Variants in SAFB observed in about 807,000 individuals in gnomAD.
SAFB encodes the protein scaffold attachment factor B1.
In SAFB, 15 loss-of-function variants were observed where a neutral mutation model predicts 101.6. The ratio of observed to expected loss-of-function variants is 0.15; its 90% CI spans 0.10 to 0.23. The LOEUF (loss-of-function observed/expected upper bound fraction) is 0.23, where lower values mean the gene tolerates loss of function less well. Among genes scored for constraint, SAFB ranks in the 10% least tolerant of loss-of-function variants. SAFB has a pLI of 1.00. For missense variants in SAFB, 930 were observed against 1,104.1 expected (o/e 0.84, Z 2.23); for synonymous variants, 449 against 407.5 (o/e 1.10, Z -1.23).
chr19:5,645,415 T>G lies in SAFB; in HGVS notation c.609+16T>G. ...TATATTACAGGTAAACTGTTGTATG[T>G]CTCAGTACTTTTAGAATGAAAGGTC... On this transcript the variant is annotated intron_variant, in intron 5 of 20. Coordinates refer to ENST00000588852, the MANE Select transcript of SAFB (RefSeq NM_001201338.2). 8.2e-7 allele frequency: 1 copy of G among 1,218,238 alleles called. No homozygotes were observed. The highest frequency in any genetic ancestry group is 1.2e-6 in the Non-Finnish European group (1 of 824,074). 75.5% of individuals were successfully genotyped at this position (1,218,238 alleles called of 1,614,324 possible). A position where few individuals can be genotyped will look rare whatever the true frequency, so the allele number is the denominator to read the frequency against.
intron 15 of SAFB, 137 bp downstream of exon 15, chr19:5,661,945 C>T (rs950001492): frequency 2.0e-5 from 14 of 687,968 alleles, no homozygotes; most frequent in Non-Finnish European, 3.3e-5. Flanking sequence ...AGTGCAGTGA[C>T]CCGATCTTGG....
intron 8 of SAFB, among the ~76,000 whole-genome samples, chr19:5,650,264 A>C (rs933618120): frequency 6.6e-6 from 1 of 152,306 alleles, no homozygotes; most frequent in East Asian, 1.9e-4. Flanking sequence ...TACCCTACCA[A>C]ATTCCTTCTT....
intron 5 of SAFB, among the ~76,000 whole-genome samples, chr19:5,647,687 A>T (rs183166173): frequency 6.6e-6 from 1 of 152,314 alleles, no homozygotes; most frequent in Admixed American, 6.5e-5. Flanking sequence ...ATTCCTCTAG[A>T]TGCTAACAGT....
intron 14 of SAFB, among the ~76,000 whole-genome samples, chr19:5,659,518 A>T (rs372563002): frequency 2.1e-4 from 32 of 151,688 alleles, no homozygotes; most frequent in African/African-American, 7.7e-4. Context: ...AGTAACTGGG[A>T]CTACAGGCGC....
intron 5 of SAFB, among the ~76,000 whole-genome samples, chr19:5,646,606 A>G (rs1027527379): frequency 2.0e-5 from 3 of 152,232 alleles, no homozygotes; most frequent in Admixed American, 6.5e-5. Flanking sequence ...AATTCCCAGC[A>G]TGGGGTAGGG....
intron 15 of SAFB, 80 bp from the exon 16 acceptor site, chr19:5,663,942 C>A: frequency 6.8e-7 from 1 of 1,477,834 alleles, no homozygotes. Flanking sequence ...CTGTGAAGTG[C>A]TAGGGGCCAG....
Position 5,649,209 on chromosome 19 carries a change from AGAC to A in SAFB, c.859_861del (p.Asp287del). The A allele has an allele frequency of 2.8e-6, 1 of 357,514 alleles. No homozygotes were observed. The highest frequency in any genetic ancestry group is 4.7e-6 in the Non-Finnish European group (1 of 214,150). The allele number at this position is 357,514 out of a possible 1,614,324, so 22.1% of individuals were successfully genotyped here. ...CAGCACACGCTCAGTCGAGCAAGGC[AGAC>A]AGCCTGTTAGCGGTAGTGAAAAGGG... On this transcript the variant is annotated inframe_deletion, in exon 7 of 21. Transcript: ENST00000588852.
chr19:5,661,363 G>A (rs182899985), intron 14 of SAFB, 155 bp from the exon 15 acceptor site: 5 of 1,375,718 alleles, frequency 3.6e-6, no homozygotes, highest in East Asian at 2.5e-5. Context: ...CTGTGGGCCC[G>A]AGAAGCCTTC....
intron 4 of SAFB, among the ~76,000 whole-genome samples, chr19:5,642,288 T>C (rs936295374): frequency 6.6e-6 from 1 of 152,176 alleles, no homozygotes; most frequent in Non-Finnish European, 1.5e-5. Context: ...TGTTTTCCTG[T>C]TAAGAAGCAA....
chr19:5,667,203 C>G lies in SAFB; in HGVS notation c.2453+39C>G, dbSNP rs753177957. 6 of 1,298,636 alleles carry G rather than the reference C, an allele frequency of 4.6e-6. No homozygotes were observed. Among genetic ancestry groups the G allele is most frequent in the Non-Finnish European group, 6.4e-6 (6 of 934,474 alleles). 80.4% of individuals were successfully genotyped at this position (1,298,636 alleles called of 1,614,324 possible). ...ACCCGACAGTACCTGACCCCCCCCCCGCCCACAAGGGGGCCCGCAAGTCGC... is the reference window on the plus strand; with the variant it reads ...ACCCGACAGTACCTGACCCCCCCCCGGCCCACAAGGGGGCCCGCAAGTCGC... On this transcript the variant is annotated intron_variant, in intron 18 of 20. Transcript: ENST00000588852. The surrounding 1 kb of genome is among the most constrained non-coding windows in gnomAD (Gnocchi z 4.0).
In SAFB at chr19:5,623,148, G is replaced by A; in HGVS notation, c.-58G>A. 4 of 1,514,442 alleles carry A rather than the reference G, an allele frequency of 2.6e-6. No individual in the cohort carries two copies. The highest frequency in any genetic ancestry group is 1.2e-5 in the South Asian group (1 of 83,308). The allele number at this position is 1,514,442 out of a possible 1,614,324, so 93.8% of individuals were successfully genotyped here. ...CAGGCGGCGCCATTTTGTGCTAGGA[G>A]CCTGATAAAACCGGCCCGGTTCTGT... On this transcript the variant is annotated 5_prime_UTR_variant, in exon 1 of 21. Coordinates refer to ENST00000588852, the MANE Select transcript of SAFB (RefSeq NM_001201338.2).
chr19:5,630,128 A>G (rs1159207276), intron 2 of SAFB, among the ~76,000 whole-genome samples: 3 of 152,140 alleles, frequency 2.0e-5, no homozygotes, highest in African/African-American at 7.2e-5. Flanking sequence ...TCAACATCAA[A>G]CTTACCTTGT....
intron 9 of SAFB, 30 bp from the exon 10 acceptor site, chr19:5,653,085 C>T (rs1014751219): frequency 2.5e-6 from 4 of 1,612,114 alleles, no homozygotes; most frequent in Non-Finnish European, 3.4e-6. Context: ...GGCTTCATGT[C>T]TGAGTCATAT....
chr19:5,653,927 G>A (rs2053996083), intron 11 of SAFB, 134 bp from the exon 12 acceptor site: 2 of 703,036 alleles, frequency 2.8e-6, no homozygotes, highest in Non-Finnish European at 4.8e-6. Context: ...TTTTAGTAGA[G>A]ATGGGGTTTC....
intron 12 of SAFB, 47 bp downstream of exon 12, chr19:5,654,247 A>G (rs755715155): frequency 4.3e-6 from 7 of 1,609,888 alleles, no homozygotes; most frequent in Non-Finnish European, 5.1e-6. Context: ...TTCTGTGCCT[A>G]GTGGAGTTTG....
chr19:5,657,486 CTTG>C (rs1320256558), intron 14 of SAFB, 139 bp downstream of exon 14: 1 of 598,584 alleles, frequency 1.7e-6, no homozygotes, highest in African/African-American at 1.9e-5. Flanking sequence ...AGTTCATAGA[CTTG>C]TTATGTTTTA....
chr19:5,645,258 A>G, intron 4 of SAFB, 79 bp from the exon 5 acceptor site: 1 of 675,122 alleles, frequency 1.5e-6, no homozygotes, highest in Admixed American at 2.6e-5. Flanking sequence ...ATAGCTGTTC[A>G]CTTTTCATTG....
At chr19:5,641,273 T>C (rs2053707141) in intron 2 of SAFB, among the ~76,000 whole-genome samples, 1 of 152,178 alleles carries the variant, frequency 6.6e-6, no homozygotes, top group African/African-American at 2.4e-5. Flanking sequence ...TTGCAACAAA[T>C]AATTTTTCCC....
At chr19:5,652,924 G>C (rs764570164) in intron 9 of SAFB, among the ~76,000 whole-genome samples, 191 bp from the exon 10 acceptor site, 2 of 152,182 alleles carry the variant, frequency 1.3e-5, no homozygotes, top group Non-Finnish European at 2.9e-5. Context: ...TGAGGAACTA[G>C]ATGAGCGATT....
Sources: allele counts gnomAD v4.1 joint callset (sites outside exome capture counted in the v4.1 genomes callset), GRCh38; gene constraint gnomAD v4.1.1; non-coding constraint Gnocchi (gnomAD v3.1); transcripts MANE v1.5; gene names NCBI Gene and HGNC (gene_info 2026-07-23, HGNC 2026-07-21).